NOS1: variants seen among roughly 807,000 people sequenced by gnomAD.
NOS1 encodes the protein nitric oxide synthase 1, also known as NOS type I.
In NOS1, 51 loss-of-function variants were observed where a neutral mutation model predicts 164.5. The observed-to-expected ratio is 0.31, with a 90% CI of 0.25 to 0.39. The LOEUF is 0.39. Among genes scored for constraint, NOS1 ranks in the 10% least tolerant of loss-of-function variants. The probability of loss-of-function intolerance (pLI) is 1.00; values close to 1 mark genes in which losing one functional copy is unlikely to be tolerated. For synonymous variants in NOS1, 719 were observed against 745.8 expected, an observed-to-expected ratio of 0.96 and a Z score of 0.59; for missense variants, 1,362 against 1,885.6, an observed-to-expected ratio of 0.72 and a Z score of 5.14.
chr12:117,242,671 A>T lies in NOS1; in HGVS notation c.2997T>A (p.Ala999=), dbSNP rs781244474. The T allele has an allele frequency of 6.0e-5, 97 of 1,614,096 alleles. No homozygotes were observed. The highest frequency in any genetic ancestry group is 7.7e-5 in the Non-Finnish European group (91 of 1,180,034). ...LSNVHKKRVS[A]ARLLSRQNLQ... ...GGTTTTGACGGCTAAGGAGCCGGGC[A>T]GCTGAGACTCGCTTTTTGTGGACAT... Residue 999 remains alanine (A), a synonymous_variant, in exon 20 of 29, where the codon GCT becomes GCA. Coordinates refer to ENST00000317775, the MANE Select transcript of NOS1 (RefSeq NM_000620.5).
Position 117,211,412 on chromosome 12 carries a change from G to A in NOS1, c.*3897C>T, listed in dbSNP as rs762015226. On this transcript the variant is annotated 3_prime_UTR_variant, in exon 29 of 29. Transcript: ENST00000317775. ...GCAATAACCCCCCCAACAGCTCAAC[G>A]GGCCATGCTCTGTACTGTGGCCAGA... is the stretch of plus-strand genomic sequence containing the variant. 1.8e-4 allele frequency: 182 copies of A among 985,314 alleles called. 1 individual carries two copies. Among genetic ancestry groups the A allele is most frequent in the Non-Finnish European group, 2.1e-4 (175 of 830,014 alleles). 61.0% of individuals were successfully genotyped at this position (985,314 alleles called of 1,614,324 possible). A position where few individuals can be genotyped will look rare whatever the true frequency, so the allele number is the denominator to read the frequency against.
In NOS1 at chr12:117,214,895, A is replaced by G; in HGVS notation, c.*414T>C. 1.0e-6 allele frequency: 1 copy of G among 1,001,262 alleles called. No individual in the cohort carries two copies. Among genetic ancestry groups the G allele is most frequent in the Non-Finnish European group, 1.2e-6 (1 of 840,704 alleles). The allele number at this position is 1,001,262 out of a possible 1,614,324, so 62.0% of individuals were successfully genotyped here. A position where few individuals can be genotyped will look rare whatever the true frequency, so the allele number is the denominator to read the frequency against. ...CACGCACAACCAAAATGTCATCATA[A>G]AAAAGGAGAAAGGGGGACTTCAGTG... On this transcript the variant is annotated 3_prime_UTR_variant, in exon 29 of 29. Coordinates refer to ENST00000317775, the MANE Select transcript of NOS1 (RefSeq NM_000620.5).
At position 117,231,986 on chromosome 12, in the gene NOS1, C is replaced by T. The variant is rs553725048; in HGVS notation, c.3381G>A (p.Lys1127=). The stretch of plus-strand genomic sequence containing the variant: ...CCTTGCTGAGGACCAGCAGACGCTG[C>T]TTCTCCTTCTCGCTGGTAGCTAGGG... The part of the protein sequence containing the change: ...FASLATSEKE[K]QRLLVLSKGL... The change falls in exon 22 of 29, where the codon AAG becomes AAA. Residue 1127 remains lysine (K), a synonymous_variant. Coordinates refer to ENST00000317775, the MANE Select transcript of NOS1 (RefSeq NM_000620.5). The T allele has an allele frequency of 5.0e-6, 8 of 1,612,780 alleles. No homozygotes were observed. In the African/African-American group the frequency reaches 1.1e-4, roughly 21 times the overall value.
chr12:117,210,052 C>T lies in NOS1; in HGVS notation c.*5257G>A, dbSNP rs184109702. 689 of 893,848 alleles carry T rather than the reference C, an allele frequency of 7.7e-4. 7 individuals are homozygous for T. The African/African-American group carries it at 0.01, about 13-fold the overall frequency. 55.4% of individuals were successfully genotyped at this position (893,848 alleles called of 1,614,324 possible). A position where few individuals can be genotyped will look rare whatever the true frequency, so the allele number is the denominator to read the frequency against. ...CAGTGGTGCGATCCTAGCTCACTGTCGCCTCAAACTCCTGGGACCAAGTGA... is the reference window on the plus strand; with the variant it reads ...CAGTGGTGCGATCCTAGCTCACTGTTGCCTCAAACTCCTGGGACCAAGTGA... On this transcript the variant is annotated 3_prime_UTR_variant, in exon 29 of 29. Transcript: ENST00000317775.
At chr12:117,221,800 C>T (rs921442690) in intron 26 of NOS1, among the ~76,000 whole-genome samples, 1 of 149,166 alleles carries the variant, frequency 6.7e-6, no homozygotes, top group South Asian at 2.1e-4. Context: ...CATACGCCAC[C>T]ACGCCCAGCT....
intron 3 of NOS1, among the ~76,000 whole-genome samples, chr12:117,302,945 C>T (rs1873924413): frequency 1.3e-5 from 2 of 152,092 alleles, no homozygotes; most frequent in Admixed American, 1.3e-4. Context: ...AGGGTTTCAC[C>T]ATGTTGGCCA....
chr12:117,353,584 T>C (rs1876729984), intron 1 of NOS1, among the ~76,000 whole-genome samples: 1 of 151,856 alleles, frequency 6.6e-6, no homozygotes, highest in Non-Finnish European at 1.5e-5. Flanking sequence ...GTCTCATCCC[T>C]GTTGGTTAGG....
chr12:117,323,948 A>ATT (rs71444618), intron 2 of NOS1, among the ~76,000 whole-genome samples: 2 of 143,920 alleles, frequency 1.4e-5, no homozygotes, highest in Non-Finnish European at 3.1e-5. Flanking sequence ...CGTCTGGCTA[A>ATT]TTTTTTTTTT....
chr12:117,295,849 G>A (rs377755708), intron 3 of NOS1, among the ~76,000 whole-genome samples: 1 of 150,398 alleles, frequency 6.6e-6, no homozygotes, highest in East Asian at 2.0e-4. Flanking sequence ...GGCTGGTCTC[G>A]AACTCCTGAC....
intron 2 of NOS1, among the ~76,000 whole-genome samples, chr12:117,326,489 T>A (rs1875259806): frequency 6.6e-6 from 1 of 152,130 alleles, no homozygotes; most frequent in Non-Finnish European, 1.5e-5. Context: ...TGATTAAATA[T>A]CACTCATCCT....
chr12:117,251,922 A>G (rs938935381), intron 17 of NOS1, among the ~76,000 whole-genome samples: 5 of 151,902 alleles, frequency 3.3e-5, no homozygotes, highest in Admixed American at 2.6e-4. Context: ...TGGTGGAAAC[A>G]GGGTTTTGCT....
chr12:117,283,320 C>T (rs1873842521), intron 7 of NOS1, among the ~76,000 whole-genome samples: 1 of 152,158 alleles, frequency 6.6e-6, no homozygotes, highest in South Asian at 2.1e-4. Context: ...CCTTGGCCTC[C>T]CACCTTGCTG....
chr12:117,229,969 G>C (rs1383984290), intron 22 of NOS1, among the ~76,000 whole-genome samples: 1 of 152,066 alleles, frequency 6.6e-6, no homozygotes, highest in Non-Finnish European at 1.5e-5. Flanking sequence ...ATCCAGGCTG[G>C]AGTACAGTTG....
At position 117,265,312 on chromosome 12, in the gene NOS1, G is replaced by A; in HGVS notation, c.2136+4C>T. The stretch of plus-strand genomic sequence containing the variant: ...TATGAAAAGAGGCAGGGACAGGGAA[G>A]GACCTGGTATTCGAAGGAGGGGGTG... On this transcript the variant is annotated splice_donor_region_variant and intron_variant, in intron 12 of 28. Coordinates refer to ENST00000317775, the MANE Select transcript of NOS1 (RefSeq NM_000620.5). 10 of 1,538,864 alleles carry A rather than the reference G, an allele frequency of 6.5e-6. No individual in the cohort carries two copies. The highest frequency in any genetic ancestry group is 8.8e-6 in the Non-Finnish European group (10 of 1,137,270).
At chr12:117,252,024 T>C (rs1186932083) in intron 17 of NOS1, among the ~76,000 whole-genome samples, 2 of 152,220 alleles carry the variant, frequency 1.3e-5, no homozygotes, top group Non-Finnish European at 2.9e-5. Flanking sequence ...TGAGCCACTG[T>C]GCCCGGCGTT....
intron 11 of NOS1, among the ~76,000 whole-genome samples, chr12:117,266,267 C>A (rs1872405263): frequency 6.6e-6 from 1 of 152,106 alleles, no homozygotes; most frequent in Non-Finnish European, 1.5e-5. Flanking sequence ...CCCTTCCCAC[C>A]CTTTCCCCGA....
At chr12:117,252,274 G>T (rs1455202294) in intron 17 of NOS1, among the ~76,000 whole-genome samples, 1 of 152,046 alleles carries the variant, frequency 6.6e-6, no homozygotes, top group Non-Finnish European at 1.5e-5. Context: ...TTCTTTATTC[G>T]GGTTCAAAGG....
intron 1 of NOS1, among the ~76,000 whole-genome samples, chr12:117,352,128 AC>A (rs1392617419): frequency 6.6e-6 from 1 of 152,084 alleles, no homozygotes; most frequent in Non-Finnish European, 1.5e-5. Flanking sequence ...AGCCATCATC[AC>A]GCCACTGCAC....
rs1873860618 is a variant in NOS1, at chr12:117,302,228, T to C, written c.852+9238A>G. 6.6e-5 allele frequency among the ~76,000 whole-genome samples: 10 copies of C among 152,304 alleles called. No homozygotes were observed. The South Asian group carries it at 2.1e-3, about 32-fold the overall frequency. On this transcript the variant is annotated intron_variant, in intron 3 of 28. Transcript: ENST00000317775. ...CATCATTATCTCATACATTATCTCATTTCATCCTCCCCACAACTTGATGAG... is the reference window on the plus strand; with the variant it reads ...CATCATTATCTCATACATTATCTCACTTCATCCTCCCCACAACTTGATGAG...
Sources: allele counts gnomAD v4.1 joint callset (sites outside exome capture counted in the v4.1 genomes callset), GRCh38; gene constraint gnomAD v4.1.1; transcripts MANE v1.5; gene names NCBI Gene and HGNC (gene_info 2026-07-23, HGNC 2026-07-21).